Variants in NBAS observed in about 807,000 individuals in gnomAD.
The protein encoded by NBAS is NBAS subunit of NRZ tethering complex.
NBAS carries 219 observed loss-of-function variants against 302.5 expected under a neutral mutation model. That is an observed-to-expected ratio of 0.72 (90% CI 0.65 to 0.81). The LOEUF (loss-of-function observed/expected upper bound fraction) is 0.81. Among genes scored for constraint, NBAS ranks in the 30% least tolerant of loss-of-function variants. NBAS has a pLI of 0.00. For missense variants in NBAS, 2,932 were observed against 2,841.6 expected (o/e 1.03, Z -0.72); for synonymous variants, 1,118 against 1,021.6 (o/e 1.09, Z -1.80).
intron 3 of NBAS, among the ~76,000 whole-genome samples, chr2:15,554,725 G>T (rs1664565005): frequency 6.6e-6 from 1 of 151,110 alleles, no homozygotes; most frequent in African/African-American, 2.4e-5. Flanking sequence ...GAAAGAACTA[G>T]AAACACCTCA....
At chr2:14,985,560 C>T in the NBAS span, among the ~76,000 whole-genome samples, 3 of 152,284 alleles carry the variant, frequency 2.0e-5, no homozygotes, top group South Asian at 2.1e-4. Flanking sequence ...AAATATAAAT[C>T]GTTTCCTCTG....
At chr2:15,239,020 A>G (rs946802665) in intron 44 of NBAS, among the ~76,000 whole-genome samples, 16 of 152,174 alleles carry the variant, frequency 1.1e-4, no homozygotes, top group African/African-American at 3.9e-4. Context: ...ATTATAAGAA[A>G]AAAATTCCAA....
At chr2:15,245,608 AGGATGGATGGATGGAT>A (rs57408257) in intron 44 of NBAS, among the ~76,000 whole-genome samples, 7 of 148,152 alleles carry the variant, frequency 4.7e-5, no homozygotes, top group African/African-American at 1.5e-4. Flanking sequence ...GTTGAATGGA[AGGATGGATGGATGGAT>A]GGATGGATGG....
At chr2:15,526,778 T>C (rs1174735656) in intron 9 of NBAS, among the ~76,000 whole-genome samples, 1 of 152,114 alleles carries the variant, frequency 6.6e-6, no homozygotes, top group Non-Finnish European at 1.5e-5. Flanking sequence ...TATCAAACTT[T>C]CCAGATGTTC....
At chr2:14,979,023 G>T in the NBAS span, among the ~76,000 whole-genome samples, 3 of 152,158 alleles carry the variant, frequency 2.0e-5, no homozygotes, top group Non-Finnish European at 4.4e-5. Context: ...AGCCCAGGTT[G>T]GGGGAGAAAG....
At chr2:15,472,203 G>T (rs1282588585) in intron 16 of NBAS, among the ~76,000 whole-genome samples, 2 of 152,164 alleles carry the variant, frequency 1.3e-5, no homozygotes, top group Admixed American at 6.5e-5. Context: ...TGCAAAGGAA[G>T]AGGCTCTGCT....
chr2:15,473,373 A>T (rs976056806), intron 15 of NBAS, 26 bp from the exon 16 acceptor site: 1 of 1,612,588 alleles, frequency 6.2e-7, no homozygotes, highest in Middle Eastern at 1.7e-4. Flanking sequence ...CGAGGACAGG[A>T]ATGTTACATG....
At chr2:14,873,871 CAAT>C in the NBAS span, among the ~76,000 whole-genome samples, 2 of 151,154 alleles carry the variant, frequency 1.3e-5, no homozygotes, top group South Asian at 4.2e-4. Flanking sequence ...AAGTATAAAT[CAAT>C]GATCTAAAAT....
intron 9 of NBAS, among the ~76,000 whole-genome samples, chr2:15,515,103 G>C (rs1368314539): frequency 6.6e-6 from 1 of 152,172 alleles, no homozygotes; most frequent in Non-Finnish European, 1.5e-5. Flanking sequence ...ATGTTTAAAG[G>C]GGAAGAAATG....
chr2:15,027,334 T>C, the NBAS span, among the ~76,000 whole-genome samples: 5 of 152,138 alleles, frequency 3.3e-5, no homozygotes, highest in Non-Finnish European at 7.4e-5. Context: ...ACTGCCTTTA[T>C]TATTTTATTT....
chr2:15,291,132 T>G (rs1469338596), intron 41 of NBAS, among the ~76,000 whole-genome samples: 2 of 152,260 alleles, frequency 1.3e-5, no homozygotes, highest in African/African-American at 2.4e-5. Flanking sequence ...GCCTAGAGAC[T>G]GAATCACATC....
intron 4 of NBAS, among the ~76,000 whole-genome samples, 194 bp from the exon 5 acceptor site, chr2:15,553,667 G>C (rs921059392): frequency 1.3e-5 from 2 of 152,078 alleles, no homozygotes; most frequent in African/African-American, 4.8e-5. Context: ...AATACAGCAT[G>C]AATTAACATG....
Position 15,179,105 on chromosome 2 carries a change from C to T in NBAS, c.6723G>A (p.Glu2241=). 6.2e-7 allele frequency: 1 copy of T among 1,614,148 alleles called. No individual in the cohort carries two copies. Among genetic ancestry groups the T allele is most frequent in the Non-Finnish European group, 8.5e-7 (1 of 1,180,020 alleles). ...ACTGGTTAAGCAGCAGCAGACACAG[C>T]TCCTTCACACCCTGAAACCACAGAG... is the stretch of plus-strand genomic sequence containing the variant. ...KQMLPAEGVK[E]LCLLLLNQSL... is the part of the protein sequence containing the mutation. The change falls in exon 51 of 52, where the codon GAG becomes GAA. Residue 2241 remains glutamate (E), a synonymous_variant. Transcript: ENST00000281513.
At chr2:15,436,528 T>C (rs1678024249) in intron 21 of NBAS, among the ~76,000 whole-genome samples, 1 of 152,118 alleles carries the variant, frequency 6.6e-6, no homozygotes, top group Non-Finnish European at 1.5e-5. Context: ...AATGTTGATA[T>C]AAAATATTCA....
At chr2:15,376,173 T>C (rs182403142) in intron 30 of NBAS, among the ~76,000 whole-genome samples, 246 of 152,310 alleles carry the variant, frequency 1.6e-3, no homozygotes, top group African/African-American at 5.7e-3. Flanking sequence ...AATAACTCTT[T>C]AATCAGTAAA....
intron 48 of NBAS, among the ~76,000 whole-genome samples, chr2:15,196,583 A>C (rs1232442184): frequency 6.6e-6 from 1 of 152,232 alleles, no homozygotes; most frequent in Non-Finnish European, 1.5e-5. Flanking sequence ...AACAAAATGC[A>C]GAAAACAAAC....
intron 48 of NBAS, among the ~76,000 whole-genome samples, chr2:15,209,017 CT>C (rs1204991355): frequency 2.0e-5 from 3 of 151,662 alleles, no homozygotes; most frequent in African/African-American, 7.3e-5. Context: ...AATCATTGGG[CT>C]TTTTTTAAAA....
intron 32 of NBAS, among the ~76,000 whole-genome samples, chr2:15,362,010 G>C (rs907947455): frequency 3.3e-5 from 5 of 151,604 alleles, no homozygotes; most frequent in Admixed American, 6.6e-5. Flanking sequence ...GGAAAAAATA[G>C]AAAATATGTT....
At chr2:15,108,303 G>A in the NBAS span, among the ~76,000 whole-genome samples, 16 of 152,072 alleles carry the variant, frequency 1.1e-4, 1 homozygote, top group Admixed American at 9.8e-4. Context: ...CAACAATGGA[G>A]AATATCATTA....
Sources: gnomAD v4.1 joint callset for allele counts (sites outside exome capture counted in the v4.1 genomes callset) on GRCh38, gnomAD v4.1.1 for gene constraint, MANE v1.5 for transcripts, NCBI Gene and HGNC (gene_info 2026-07-23, HGNC 2026-07-21) for gene names.